The following TRDN variants were observed in gnomAD, a reference collection of about 807,000 sequenced individuals.
TRDN encodes triadin, also known as triadin in skeletal muscle.
A neutral mutation model predicts 149.7 loss-of-function variants in TRDN; 161 were observed. The ratio of observed to expected loss-of-function variants is 1.08; its 90% CI spans 0.95 to 1.23. TRDN has a LOEUF of 1.23. Ranked by LOEUF, TRDN falls within the 50% of genes most tolerant of loss-of-function variation. TRDN has a pLI of 0.00. For synonymous variants in TRDN, 294 were observed against 250.5 expected, an observed-to-expected ratio of 1.17 and a Z score of -1.64; for missense variants, 896 against 823.5, an observed-to-expected ratio of 1.09 and a Z score of -1.08.
At chr6:123,593,615 A>G (rs1230462747) in intron 1 of TRDN, among the ~76,000 whole-genome samples, 1 of 152,196 alleles carries the variant, frequency 6.6e-6, no homozygotes, top group Non-Finnish European at 1.5e-5. Context: ...CTTCATGTTA[A>G]CATGGCATTC....
At chr6:123,615,744 A>G (rs1207747663) in intron 1 of TRDN, among the ~76,000 whole-genome samples, 1 of 152,162 alleles carries the variant, frequency 6.6e-6, no homozygotes, top group African/African-American at 2.4e-5. Flanking sequence ...ACTAGAGGCT[A>G]GAAAGTGTGG....
chr6:123,635,783 T>C (rs1270359334), intron 1 of TRDN, among the ~76,000 whole-genome samples: 1 of 151,996 alleles, frequency 6.6e-6, no homozygotes, highest in Non-Finnish European at 1.5e-5. Context: ...TTCTTACAGC[T>C]GTCAGAAGCA....
At chr6:123,418,918 A>G (rs1468537304) in intron 12 of TRDN, among the ~76,000 whole-genome samples, 2 of 152,040 alleles carry the variant, frequency 1.3e-5, no homozygotes, top group Non-Finnish European at 2.9e-5. Flanking sequence ...TTTAAAATAC[A>G]GTTGTCTTTC....
rs117204011 is a variant in TRDN, at chr6:123,557,688, A to C, written c.233-9076T>G. Among the ~76,000 whole-genome samples, 571 of 152,110 alleles carry C rather than the reference A, an allele frequency of 3.8e-3. 1 individual carries two copies. Among genetic ancestry groups the C allele is most frequent in the Middle Eastern group, 0.01 (3 of 294 alleles). ...TTCAGAGGTGTGTGACCACGTGGGA[A>C]CGCCTGTCTTGGTCCTTCACCCTTA... On this transcript the variant is annotated intron_variant, in intron 2 of 40. Coordinates refer to ENST00000334268, the MANE Select transcript of TRDN (RefSeq NM_006073.4).
At chr6:123,285,473 T>C (rs1043211276) in intron 24 of TRDN, among the ~76,000 whole-genome samples, 6 of 152,112 alleles carry the variant, frequency 3.9e-5, no homozygotes, top group African/African-American at 1.4e-4. Flanking sequence ...CTGGGACAAT[T>C]GGCAAGCCAC....
rs777638054 is a variant in TRDN, at chr6:123,588,580, G to A, written c.23-17448C>T. On this transcript the variant is annotated intron_variant, in intron 1 of 40. Coordinates refer to ENST00000334268, the MANE Select transcript of TRDN (RefSeq NM_006073.4). ...ATCCTGATCATCAATTTACAAATGT[G>A]TGATGATTTATGATCTCAGTCTGCT... Among the ~76,000 whole-genome samples the A allele has an allele frequency of 1.1e-3, 172 of 152,298 alleles. 1 individual carries two copies. Among genetic ancestry groups the A allele is most frequent in the Non-Finnish European group, 7.9e-4 (54 of 68,016 alleles).
chr6:123,239,499 G>C (rs1377706087), intron 38 of TRDN, among the ~76,000 whole-genome samples: 3 of 152,030 alleles, frequency 2.0e-5, no homozygotes, highest in Non-Finnish European at 4.4e-5. Context: ...TAATATATTA[G>C]TTCACAAGAT....
chr6:123,318,086 C>G (rs1349730564), intron 23 of TRDN, among the ~76,000 whole-genome samples: 1 of 151,964 alleles, frequency 6.6e-6, no homozygotes, highest in African/African-American at 2.4e-5. Flanking sequence ...TCAGTTTAGG[C>G]TAAAGTTAAT....
At chr6:123,500,247 A>G (rs1273150400) in intron 8 of TRDN, among the ~76,000 whole-genome samples, 2 of 152,150 alleles carry the variant, frequency 1.3e-5, no homozygotes, top group Non-Finnish European at 2.9e-5. Context: ...CAATAGGAAT[A>G]TGAGAAAGAT....
intron 38 of TRDN, among the ~76,000 whole-genome samples, chr6:123,231,303 C>T (rs991973632): frequency 6.6e-6 from 1 of 152,002 alleles, no homozygotes; most frequent in African/African-American, 2.4e-5. Context: ...GATAGTATAA[C>T]TGCGAGGTAG....
chr6:123,481,896 G>T (rs1316690562), intron 9 of TRDN, among the ~76,000 whole-genome samples: 1 of 152,112 alleles, frequency 6.6e-6, no homozygotes, highest in Non-Finnish European at 1.5e-5. Flanking sequence ...CACATGGCAT[G>T]TGAAAAAGGG....
chr6:123,403,096 A>G (rs1443984867), intron 12 of TRDN, among the ~76,000 whole-genome samples: 1 of 152,210 alleles, frequency 6.6e-6, no homozygotes, highest in Non-Finnish European at 1.5e-5. Context: ...TCCCAGAGAC[A>G]GATGAACAGA....
intron 12 of TRDN, among the ~76,000 whole-genome samples, chr6:123,394,307 TAA>T (rs67932192): frequency 1.3e-5 from 2 of 151,404 alleles, no homozygotes; most frequent in African/African-American, 4.8e-5. Flanking sequence ...AAGGATTTAT[TAA>T]AAAAAAACTT....
intron 38 of TRDN, among the ~76,000 whole-genome samples, chr6:123,247,006 T>A (rs1367344639): frequency 6.6e-6 from 1 of 152,148 alleles, no homozygotes; most frequent in East Asian, 1.9e-4. Context: ...AAAAACCACA[T>A]GATTATCTCA....
intron 5 of TRDN, among the ~76,000 whole-genome samples, chr6:123,528,474 C>T (rs6939706): frequency 0.57 from 86,105 of 151,694 alleles, 25,294 homozygotes; most frequent in Non-Finnish European, 0.65. Context: ...CCAGCTTGAG[C>T]ATAATGAATC....
chr6:123,469,804 C>G (rs1351863582), intron 9 of TRDN: 1 of 152,394 alleles, frequency 6.6e-6, no homozygotes, highest in South Asian at 2.1e-4. Flanking sequence ...AAGGCAGATG[C>G]GTAGAGAGAC....
At chr6:123,601,988 A>G (rs1247837067) in intron 1 of TRDN, among the ~76,000 whole-genome samples, 3 of 152,108 alleles carry the variant, frequency 2.0e-5, no homozygotes, top group Admixed American at 6.6e-5. Flanking sequence ...GCTAGACTTT[A>G]TCAATTCTAT....
At chr6:123,622,301 C>A (rs187223667) in intron 1 of TRDN, among the ~76,000 whole-genome samples, 4,832 of 136,924 alleles carry the variant, frequency 0.035, 235 homozygotes, top group African/African-American at 0.13. Flanking sequence ...ATCTCTCTCT[C>A]TCTATATATA....
chr6:123,340,180 AAAGAC>A (rs1190917638), intron 21 of TRDN, among the ~76,000 whole-genome samples: 1 of 152,162 alleles, frequency 6.6e-6, no homozygotes, highest in Non-Finnish European at 1.5e-5. Flanking sequence ...GGCTCATGAA[AAAGAC>A]AAGACAAAAG....
Sources: gnomAD v4.1 joint callset for allele counts (sites outside exome capture counted in the v4.1 genomes callset) on GRCh38, gnomAD v4.1.1 for gene constraint, MANE v1.5 for transcripts, NCBI Gene and HGNC (gene_info 2026-07-23, HGNC 2026-07-21) for gene names.